FSTL5: variants seen among roughly 807,000 people sequenced by gnomAD.
FSTL5 encodes follistatin like 5.
In FSTL5, 62 loss-of-function variants were observed where a neutral mutation model predicts 89.1. The ratio of observed to expected loss-of-function variants is 0.70; its 90% CI spans 0.57 to 0.86. The LOEUF is 0.86. Among genes scored for constraint, FSTL5 ranks in the 40% least tolerant of loss-of-function variants. FSTL5 has a pLI of 0.00. For synonymous variants in FSTL5, 383 were observed against 346.2 expected (o/e 1.11, Z -1.18); for missense variants, 1,057 against 1,001.6 (o/e 1.06, Z -0.75).
intron 1 of FSTL5, among the ~76,000 whole-genome samples, 159 bp from the exon 2 acceptor site, chr4:162,111,571 G>A (rs1034582242): frequency 3.9e-5 from 6 of 152,060 alleles, no homozygotes; most frequent in African/African-American, 1.4e-4. Context: ...TCCAAATACG[G>A]ATTATTCCTT....
intron 4 of FSTL5, among the ~76,000 whole-genome samples, chr4:161,849,723 GACAA>G (rs576804860): frequency 6.8e-4 from 103 of 152,144 alleles, no homozygotes; most frequent in Non-Finnish European, 1.3e-3. Context: ...CTGAATATGA[GACAA>G]ACAAATACTA....
At chr4:162,059,196 C>T (rs1738645882) in intron 2 of FSTL5, among the ~76,000 whole-genome samples, 2 of 151,906 alleles carry the variant, frequency 1.3e-5, no homozygotes, top group Admixed American at 1.3e-4. Flanking sequence ...TATTTCTATC[C>T]CAACAAGTGT....
intron 15 of FSTL5, among the ~76,000 whole-genome samples, chr4:161,439,258 A>T (rs1030880767): frequency 6.6e-6 from 1 of 152,264 alleles, no homozygotes; most frequent in Non-Finnish European, 1.5e-5. Flanking sequence ...ACAAACAAAC[A>T]AATGGTGGCT....
At chr4:161,728,775 T>C (rs1407046601) in intron 6 of FSTL5, among the ~76,000 whole-genome samples, 1 of 152,124 alleles carries the variant, frequency 6.6e-6, no homozygotes, top group Admixed American at 6.5e-5. Context: ...CTGAGTAGAA[T>C]ATGAGGGGTA....
At chr4:162,135,680 G>C (rs975172428) in intron 1 of FSTL5, among the ~76,000 whole-genome samples, 1 of 152,010 alleles carries the variant, frequency 6.6e-6, no homozygotes, top group Non-Finnish European at 1.5e-5. Flanking sequence ...GGTATTTTAA[G>C]CTCCATGAGA....
chr4:161,680,659 T>TA (rs398108222), intron 6 of FSTL5, among the ~76,000 whole-genome samples: 8 of 151,768 alleles, frequency 5.3e-5, no homozygotes, highest in Non-Finnish European at 1.0e-4. Context: ...TGTTTTTTTT[T>TA]ATTTCTATTA....
At chr4:161,572,209 C>T (rs1485670521) in intron 8 of FSTL5, among the ~76,000 whole-genome samples, 1 of 150,730 alleles carries the variant, frequency 6.6e-6, no homozygotes, top group Non-Finnish European at 1.5e-5. Flanking sequence ...ATCCCAGCTA[C>T]TTGGGAGGCT....
chr4:161,609,130 T>A lies in FSTL5; in HGVS notation c.895-21555A>T, dbSNP rs150946276. On this transcript the variant is annotated intron_variant, in intron 7 of 15. Coordinates refer to ENST00000306100, the MANE Select transcript of FSTL5 (RefSeq NM_020116.5). ...TGAAGGTAGATGCTGTTTAGTTCACTGTGTTAGTCTCAGCATGCAGCACAA... is the reference window on the plus strand; with the variant it reads ...TGAAGGTAGATGCTGTTTAGTTCACAGTGTTAGTCTCAGCATGCAGCACAA... Among the ~76,000 whole-genome samples, 496 of 152,262 alleles carry A rather than the reference T, an allele frequency of 3.3e-3. 1 individual carries two copies. The highest frequency in any genetic ancestry group is 5.8e-3 in the Non-Finnish European group (397 of 67,970).
chr4:161,571,354 T>C (rs545893141), intron 8 of FSTL5, among the ~76,000 whole-genome samples: 64 of 151,194 alleles, frequency 4.2e-4, no homozygotes, highest in African/African-American at 1.4e-3. Flanking sequence ...CAGAAAAATA[T>C]AGAGGAGAAT....
At chr4:161,555,933 A>T (rs771303249) in intron 8 of FSTL5, among the ~76,000 whole-genome samples, 7 of 151,612 alleles carry the variant, frequency 4.6e-5, no homozygotes, top group Non-Finnish European at 8.9e-5. Context: ...TGGGAATTGA[A>T]CCTGTCTAAG....
chr4:161,983,311 T>C (rs1735876510), intron 3 of FSTL5, among the ~76,000 whole-genome samples: 1 of 152,162 alleles, frequency 6.6e-6, no homozygotes, highest in Non-Finnish European at 1.5e-5. Context: ...GCCTACTTGT[T>C]CCAATGGACT....
intron 4 of FSTL5, among the ~76,000 whole-genome samples, chr4:161,829,547 T>G (rs1455833783): frequency 1.3e-5 from 2 of 152,050 alleles, no homozygotes; most frequent in Admixed American, 6.6e-5. Context: ...ATTGTCTTGT[T>G]TTAAGTATTT....
intron 3 of FSTL5, among the ~76,000 whole-genome samples, chr4:161,934,689 T>A (rs969308718): frequency 6.6e-6 from 1 of 152,104 alleles, no homozygotes; most frequent in Admixed American, 6.6e-5. Flanking sequence ...ACTGATTTCA[T>A]AGATATAAAT....
At chr4:161,822,347 G>T (rs1730519045) in intron 4 of FSTL5, among the ~76,000 whole-genome samples, 2 of 152,176 alleles carry the variant, frequency 1.3e-5, no homozygotes, top group Admixed American at 6.5e-5. Flanking sequence ...TACCAGCTCA[G>T]ATTCCATGCC....
chr4:161,596,333 G>A (rs2126617722), intron 7 of FSTL5, among the ~76,000 whole-genome samples: 1 of 151,792 alleles, frequency 6.6e-6, no homozygotes, highest in South Asian at 2.1e-4. Context: ...ATATGCAATA[G>A]AAAAGAAATG....
At chr4:161,983,962 A>C (rs1304815160) in intron 3 of FSTL5, among the ~76,000 whole-genome samples, 1 of 151,908 alleles carries the variant, frequency 6.6e-6, no homozygotes, top group East Asian at 1.9e-4. Context: ...TCGGTAAAAA[A>C]CTTTCCTGAA....
chr4:161,764,348 T>G (rs1483140562), intron 5 of FSTL5, among the ~76,000 whole-genome samples: 2 of 152,096 alleles, frequency 1.3e-5, no homozygotes, highest in Non-Finnish European at 2.9e-5. Context: ...AACCTTTGCC[T>G]CCTGGGTTCA....
At chr4:162,136,800 A>C (rs1012134596) in intron 1 of FSTL5, among the ~76,000 whole-genome samples, 3 of 152,176 alleles carry the variant, frequency 2.0e-5, no homozygotes, top group Admixed American at 2.0e-4. Flanking sequence ...TAAGGTTTGG[A>C]AATGCTGAGA....
At position 161,676,745 on chromosome 4, in the gene FSTL5, A is replaced by ACG. The variant is rs1553957417; in HGVS notation, c.728-20253_728-20252dup. Among the ~76,000 whole-genome samples, 892 of 148,344 alleles carry ACG rather than the reference A, an allele frequency of 6.0e-3. 9 individuals are homozygous for ACG. Among genetic ancestry groups the ACG allele is most frequent in the South Asian group, 0.05 (217 of 4,310 alleles). On this transcript the variant is annotated intron_variant, in intron 6 of 15. Coordinates refer to ENST00000306100, the MANE Select transcript of FSTL5 (RefSeq NM_020116.5). ...GCTTCACTATTTGGAAAATACATAC[A>ACG]CGCACACACACACACACACACACAC... is the stretch of plus-strand genomic sequence containing the variant.
Sources: allele counts gnomAD v4.1 joint callset (sites outside exome capture counted in the v4.1 genomes callset), GRCh38; gene constraint gnomAD v4.1.1; transcripts MANE v1.5; gene names NCBI Gene and HGNC (gene_info 2026-07-23, HGNC 2026-07-21).